ABLIM2: variants seen among roughly 807,000 people sequenced by gnomAD.
ABLIM2 encodes the protein actin binding LIM protein family member 2, also known as actin-binding LIM protein 2.
Under a neutral mutation model 97.7 loss-of-function variants are expected in ABLIM2, and 53 were observed. The ratio of observed to expected loss-of-function variants is 0.54; its 90% CI spans 0.44 to 0.68. The LOEUF (loss-of-function observed/expected upper bound fraction) is 0.68. Among genes scored for constraint, ABLIM2 ranks in the 30% least tolerant of loss-of-function variants. The pLI, the probability that ABLIM2 is intolerant of heterozygous loss-of-function variation, is 0.00. For synonymous variants in ABLIM2, 361 were observed against 345.8 expected (o/e 1.04, Z -0.49); for missense variants, 835 against 867.2 (o/e 0.96, Z 0.47).
At chr4:8,008,470 G>A (rs957821652) in intron 15 of ABLIM2, among the ~76,000 whole-genome samples, 3 of 152,222 alleles carry the variant, frequency 2.0e-5, no homozygotes, top group East Asian at 1.9e-4. Context: ...GAGGCCAGGG[G>A]CCCACAGGGC....
chr4:8,104,382 G>A (rs73796888), intron 2 of ABLIM2, among the ~76,000 whole-genome samples: 2,741 of 152,304 alleles, frequency 0.018, 76 homozygotes, highest in African/African-American at 0.058. Context: ...TGGGCTTCAC[G>A]CTGCCTTTGT....
chr4:8,040,096 T>C (rs1222255292), intron 9 of ABLIM2, among the ~76,000 whole-genome samples: 1 of 152,148 alleles, frequency 6.6e-6, no homozygotes, highest in Non-Finnish European at 1.5e-5. Flanking sequence ...TGCATTCCTG[T>C]GCACGTGAAT....
chr4:8,042,034 CG>C (rs1485876322), intron 9 of ABLIM2, among the ~76,000 whole-genome samples: 1 of 152,230 alleles, frequency 6.6e-6, no homozygotes, highest in Non-Finnish European at 1.5e-5. Flanking sequence ...GGCACCAAGC[CG>C]GATGCCAAGT....
At chr4:8,101,345 G>A (rs1276074588) in intron 2 of ABLIM2, among the ~76,000 whole-genome samples, 2 of 152,250 alleles carry the variant, frequency 1.3e-5, no homozygotes, top group Non-Finnish European at 2.9e-5. Flanking sequence ...CTCGTGCCCT[G>A]TGCGGCTTAG....
rs1009915004 is a variant in ABLIM2, at chr4:8,140,721, G to A, written c.10+17959C>T. On this transcript the variant is annotated intron_variant, in intron 1 of 20. Coordinates refer to ENST00000447017, the MANE Select transcript of ABLIM2 (RefSeq NM_001130083.2). This position sits in a 1 kb window ranked among gnomAD's most constrained non-coding sequence, Gnocchi z 5.9. ...AGCTGGGGCCTCCTGAAGGTCCCAC[G>A]GAGGCCAGCAGAGAGTAGCACCCAG... Among the ~76,000 whole-genome samples, 6 of 152,120 alleles carry A rather than the reference G, an allele frequency of 3.9e-5. No homozygotes were observed. The highest frequency in any genetic ancestry group is 2.6e-4 in the Admixed American group (4 of 15,278).
intron 5 of ABLIM2, among the ~76,000 whole-genome samples, chr4:8,079,957 G>A (rs1024920390): frequency 5.3e-5 from 8 of 152,146 alleles, no homozygotes; most frequent in Non-Finnish European, 8.8e-5. Flanking sequence ...CCTTCAGCTC[G>A]TCCACATATT....
rs141643346 is a variant in ABLIM2 at position 8,005,166 on chromosome 4, C to T, written c.1618+2893G>A. ...CTTGCGAAGCCAAAGAGGTGCCCGG[C>T]GGGCAGGCGGCGGCGGGATGCGTGT... On this transcript the variant is annotated intron_variant, in intron 16 of 20. Transcript: ENST00000447017. The surrounding 1 kb of genome is among the most constrained non-coding windows in gnomAD (Gnocchi z 4.9). 36 of 372,366 alleles carry T rather than the reference C, an allele frequency of 9.7e-5. No individual in the cohort carries two copies. The highest frequency in any genetic ancestry group is 2.0e-4 in the South Asian group (10 of 50,698). The allele number at this position is 372,366 out of a possible 1,614,324, so 23.1% of individuals were successfully genotyped here. A position where few individuals can be genotyped will look rare whatever the true frequency, so the allele number is the denominator to read the frequency against.
chr4:7,988,315 G>A (rs1484345185), intron 17 of ABLIM2, among the ~76,000 whole-genome samples: 2 of 152,314 alleles, frequency 1.3e-5, no homozygotes, highest in Admixed American at 6.5e-5. Context: ...GAACCACCAC[G>A]CCCGGCCTGT....
At chr4:8,101,093 A>G (rs1202009850) in intron 2 of ABLIM2, among the ~76,000 whole-genome samples, 2 of 152,212 alleles carry the variant, frequency 1.3e-5, no homozygotes, top group Non-Finnish European at 2.9e-5. Flanking sequence ...CTATTTTTCT[A>G]TATTGGTGAG....
At chr4:8,119,026 G>A (rs2152850699) in intron 1 of ABLIM2, among the ~76,000 whole-genome samples, 1 of 152,308 alleles carries the variant, frequency 6.6e-6, no homozygotes, top group African/African-American at 2.4e-5. Flanking sequence ...GCACCTCTCT[G>A]AAACAGGACA....
chr4:8,098,743 C>T (rs1458760735), intron 2 of ABLIM2, among the ~76,000 whole-genome samples: 2 of 152,170 alleles, frequency 1.3e-5, no homozygotes, highest in Non-Finnish European at 2.9e-5. Context: ...ATCTAGCACA[C>T]AGAACCTACT....
chr4:8,056,170 A>G (rs1799018304), intron 7 of ABLIM2, among the ~76,000 whole-genome samples: 1 of 151,250 alleles, frequency 6.6e-6, no homozygotes, highest in African/African-American at 2.4e-5. Flanking sequence ...AAAATTATAG[A>G]AACCTTAAAA....
At chr4:8,047,770 T>C (rs1374978472) in intron 8 of ABLIM2, among the ~76,000 whole-genome samples, 1 of 152,230 alleles carries the variant, frequency 6.6e-6, no homozygotes, top group Non-Finnish European at 1.5e-5. Context: ...GGGCTTACCG[T>C]TTCTGAGGAT....
intron 6 of ABLIM2, among the ~76,000 whole-genome samples, chr4:8,066,891 C>T (rs936284999): frequency 3.3e-5 from 5 of 152,268 alleles, no homozygotes; most frequent in East Asian, 3.9e-4. Flanking sequence ...GTTAATTGTA[C>T]GTTACGTGAA....
chr4:8,143,377 C>T (rs539064449), intron 1 of ABLIM2, among the ~76,000 whole-genome samples: 9 of 152,266 alleles, frequency 5.9e-5, no homozygotes, highest in South Asian at 2.1e-4. Flanking sequence ...TGGGAGGTAC[C>T]GGAGGACCAC....
chr4:8,141,309 C>A (rs560109745), intron 1 of ABLIM2, among the ~76,000 whole-genome samples: 11 of 152,092 alleles, frequency 7.2e-5, no homozygotes, highest in African/African-American at 2.4e-4. Flanking sequence ...GATTATAAGA[C>A]CCACAAGTCC....
chr4:8,143,842 G>A (rs969612711), intron 1 of ABLIM2, among the ~76,000 whole-genome samples: 4 of 152,192 alleles, frequency 2.6e-5, no homozygotes, highest in Non-Finnish European at 4.4e-5. Context: ...TAGAGGACAC[G>A]GCTGCCTGTC....
At chr4:8,093,675 ATGT>A (rs1353288257) in intron 3 of ABLIM2, among the ~76,000 whole-genome samples, 1 of 152,212 alleles carries the variant, frequency 6.6e-6, no homozygotes, top group Non-Finnish European at 1.5e-5. Context: ...CATTTAAGAA[ATGT>A]TGTTCTATTG....
At chr4:8,056,137 A>AAAAAAAAAAAAAAAC in intron 7 of ABLIM2, among the ~76,000 whole-genome samples, 1 of 142,442 alleles carries the variant, frequency 7.0e-6, no homozygotes, top group Non-Finnish European at 1.5e-5. Flanking sequence ...AAAAAAAAAA[A>AAAAAAAAAAAAAAAC]AAGTAACAGA....
Sources: gnomAD v4.1 joint callset for allele counts (sites outside exome capture counted in the v4.1 genomes callset) on GRCh38, gnomAD v4.1.1 for gene constraint, Gnocchi (gnomAD v3.1) non-coding constraint, MANE v1.5 for transcripts, NCBI Gene and HGNC (gene_info 2026-07-23, HGNC 2026-07-21) for gene names.